The following THSD4 variants were observed in gnomAD, a reference collection of about 807,000 sequenced individuals.
The protein encoded by THSD4 is thrombospondin type-1 domain-containing protein 4.
A neutral mutation model predicts 119.0 loss-of-function variants in THSD4; 69 were observed. The ratio of observed to expected loss-of-function variants is 0.58; its 90% CI spans 0.48 to 0.71. The LOEUF (loss-of-function observed/expected upper bound fraction) is 0.71, where lower values mean the gene tolerates loss of function less well. THSD4 is among the 30% of genes least tolerant of loss of function. The pLI is 0.00. For synonymous variants in THSD4, 524 were observed against 540.4 expected (o/e 0.97, Z 0.42); for missense variants, 1,393 against 1,391.1 (o/e 1.00, Z -0.02).
intron 7 of THSD4, among the ~76,000 whole-genome samples, chr15:71,476,926 T>C (rs969143815): frequency 6.6e-6 from 1 of 152,146 alleles, no homozygotes; most frequent in Non-Finnish European, 1.5e-5. Context: ...TTCCAATCCT[T>C]TTCTATAGGG....
At chr15:71,146,003 G>T (rs1024529873) in intron 2 of THSD4, among the ~76,000 whole-genome samples, 3 of 152,190 alleles carry the variant, frequency 2.0e-5, no homozygotes, top group Non-Finnish European at 4.4e-5. Flanking sequence ...CTTGGTTAAT[G>T]CTTAATAAAT....
Position 71,386,122 on chromosome 15 carries a change from G to A in THSD4, c.1016-25565G>A, listed in dbSNP as rs569679002. ...GGTGCTTAGTGAAGATTGAATAAAT[G>A]CCAACGTACAGAAAAGCAACACCAG... is the stretch of plus-strand genomic sequence containing the variant. On this transcript the variant is annotated intron_variant, in intron 6 of 17. Coordinates refer to ENST00000261862, the MANE Select transcript of THSD4 (RefSeq NM_024817.3). Among the ~76,000 whole-genome samples, 11 of 152,308 alleles carry A rather than the reference G, an allele frequency of 7.2e-5. No homozygotes were observed. The South Asian group carries it at 2.1e-3, about 29-fold the overall frequency.
chr15:71,122,441 C>T (rs1044997702), intron 1 of THSD4, among the ~76,000 whole-genome samples: 3 of 152,136 alleles, frequency 2.0e-5, no homozygotes, highest in African/African-American at 7.2e-5. Flanking sequence ...GGGAGGAACT[C>T]TCAGGCCAGT....
intron 6 of THSD4, among the ~76,000 whole-genome samples, chr15:71,374,963 G>C (rs2046111861): frequency 6.6e-6 from 1 of 152,078 alleles, no homozygotes. Context: ...GGAATCACCT[G>C]TCCTGCGGGT....
At chr15:71,279,551 C>T (rs1394828791) in intron 6 of THSD4, among the ~76,000 whole-genome samples, 3 of 152,178 alleles carry the variant, frequency 2.0e-5, no homozygotes, top group Admixed American at 6.5e-5. Flanking sequence ...CCTCCTTCTG[C>T]ATATGTTCTT....
chr15:71,670,823 A>G (rs2051511025), intron 8 of THSD4, among the ~76,000 whole-genome samples: 1 of 150,030 alleles, frequency 6.7e-6, no homozygotes, highest in African/African-American at 2.4e-5. Context: ...AAGGACATGA[A>G]CTCATCCTTT....
intron 7 of THSD4, among the ~76,000 whole-genome samples, chr15:71,548,020 C>A (rs2048866306): frequency 1.3e-5 from 2 of 151,732 alleles, no homozygotes; most frequent in South Asian, 4.2e-4. Context: ...CCAGATGTAC[C>A]TTAGCAGGGA....
At chr15:71,516,892 A>G (rs2048369481) in intron 7 of THSD4, among the ~76,000 whole-genome samples, 5 of 152,230 alleles carry the variant, frequency 3.3e-5, no homozygotes, top group Non-Finnish European at 7.3e-5. Context: ...AAATGAAATA[A>G]AATTTCAAAA....
chr15:71,625,937 G>C (rs1000275476), intron 7 of THSD4, among the ~76,000 whole-genome samples: 6 of 152,222 alleles, frequency 3.9e-5, no homozygotes, highest in Non-Finnish European at 8.8e-5. Context: ...TGCAGGATTA[G>C]AAATGGGTAA....
chr15:71,578,123 A>G (rs2049489014), intron 7 of THSD4, among the ~76,000 whole-genome samples: 1 of 150,474 alleles, frequency 6.6e-6, no homozygotes. Flanking sequence ...ATCGATCTAT[A>G]TAGTATATAT....
chr15:71,304,228 C>T (rs2140341096), intron 6 of THSD4, among the ~76,000 whole-genome samples: 1 of 152,186 alleles, frequency 6.6e-6, no homozygotes, highest in Admixed American at 6.5e-5. Flanking sequence ...AGCTCTGGCC[C>T]ATCTGGCTGT....
chr15:71,674,962 G>A (rs1037646596), intron 8 of THSD4, among the ~76,000 whole-genome samples: 6 of 152,160 alleles, frequency 3.9e-5, no homozygotes, highest in African/African-American at 1.4e-4. Context: ...ACTTATTTCA[G>A]AATGATATTT....
chr15:71,656,493 G>A (rs764188362), intron 7 of THSD4, among the ~76,000 whole-genome samples: 1 of 152,202 alleles, frequency 6.6e-6, no homozygotes, highest in Non-Finnish European at 1.5e-5. Context: ...TACATAATGG[G>A]GTTGGTCCCT....
intron 4 of THSD4, among the ~76,000 whole-genome samples, chr15:71,241,433 G>A (rs569694263): frequency 2.0e-5 from 3 of 152,142 alleles, no homozygotes; most frequent in African/African-American, 7.2e-5. Context: ...TTATTGTATG[G>A]CCTCTAAGGC....
intron 3 of THSD4, among the ~76,000 whole-genome samples, chr15:71,199,460 G>GGT (rs2043749331): frequency 7.2e-6 from 1 of 138,292 alleles, no homozygotes; most frequent in African/African-American, 2.8e-5. Context: ...TGTGGGGGGG[G>GGT]GTGTGTGTGT....
At chr15:71,411,644 A>G (rs1463724276) in intron 6 of THSD4, 43 bp from the exon 7 acceptor site, 5 of 1,565,784 alleles carry the variant, frequency 3.2e-6, no homozygotes, top group African/African-American at 1.4e-5. Flanking sequence ...GATATTGCTT[A>G]TACCTTATCT....
chr15:71,288,626 A>G (rs543336193), intron 6 of THSD4, among the ~76,000 whole-genome samples: 4 of 152,370 alleles, frequency 2.6e-5, no homozygotes, highest in African/African-American at 9.6e-5. Context: ...AATGGCAGAG[A>G]ATAGATCCGG....
intron 17 of THSD4, among the ~76,000 whole-genome samples, chr15:71,775,584 G>A (rs2053897882): frequency 6.6e-6 from 1 of 152,106 alleles, no homozygotes; most frequent in Admixed American, 6.5e-5. Context: ...GGCAGCATGT[G>A]CCTGTAATCC....
chr15:71,430,447 C>A (rs2046927312), intron 7 of THSD4, among the ~76,000 whole-genome samples: 1 of 152,154 alleles, frequency 6.6e-6, no homozygotes, highest in Non-Finnish European at 1.5e-5. Context: ...TATAAGGAAT[C>A]TCAGATTAGA....
Sources: gnomAD v4.1 joint callset for allele counts (sites outside exome capture counted in the v4.1 genomes callset) on GRCh38, gnomAD v4.1.1 for gene constraint, MANE v1.5 for transcripts, NCBI Gene and HGNC (gene_info 2026-07-23, HGNC 2026-07-21) for gene names.